Variants in TRERF1 observed in about 807,000 individuals in gnomAD.
The protein encoded by TRERF1 is transcriptional regulating factor 1.
TRERF1 carries 27 observed loss-of-function variants against 122.9 expected under a neutral mutation model. The ratio of observed to expected loss-of-function variants is 0.22; its 90% CI spans 0.16 to 0.30. The LOEUF is 0.30. Among genes scored for constraint, TRERF1 ranks in the 10% least tolerant of loss-of-function variants. The pLI, the probability that TRERF1 is intolerant of heterozygous loss-of-function variation, is 1.00. For synonymous variants in TRERF1, 636 were observed against 641.7 expected, an observed-to-expected ratio of 0.99 and a Z score of 0.13; for missense variants, 1,248 against 1,560.3, an observed-to-expected ratio of 0.80 and a Z score of 3.37.
At chr6:42,449,357 A>G (rs1788067617) in intron 2 of TRERF1, among the ~76,000 whole-genome samples, 1 of 152,226 alleles carries the variant, frequency 6.6e-6, no homozygotes, top group Admixed American at 6.5e-5. Flanking sequence ...CCGGGTATCA[A>G]TTCCTATAAA....
At chr6:42,428,018 C>G (rs1046249222) in intron 2 of TRERF1, among the ~76,000 whole-genome samples, 5 of 152,112 alleles carry the variant, frequency 3.3e-5, no homozygotes, top group Non-Finnish European at 7.3e-5. Context: ...TGGGAAACAG[C>G]TGGTAAGAGC....
chr6:42,264,695 C>G lies in TRERF1; in HGVS notation c.1635+9G>C. The G allele has an allele frequency of 6.2e-7, 1 of 1,612,920 alleles. No homozygotes were observed. Among genetic ancestry groups the G allele is most frequent in the Non-Finnish European group, 8.5e-7 (1 of 1,179,566 alleles). On this transcript the variant is annotated intron_variant, in intron 7 of 17. Coordinates refer to ENST00000372922, the Ensembl canonical transcript of TRERF1. ...ACCTAGAAAGGACCGGGAACTGGCT[C>G]CTGCTAACCTGTTTGAGGTTGGGGG...
intron 2 of TRERF1, among the ~76,000 whole-genome samples, chr6:42,448,113 T>C (rs1411627065): frequency 6.6e-6 from 1 of 152,208 alleles, no homozygotes; most frequent in Non-Finnish European, 1.5e-5. Context: ...AAAATGATAC[T>C]ATATCATTAT....
chr6:42,451,238 G>C (rs1395949466), exon 2 of TRERF1: 1 of 154,006 alleles, frequency 6.5e-6, no homozygotes, highest in Admixed American at 6.5e-5. Flanking sequence ...TCCGCTTGGG[G>C]GGTGAGATGG....
chr6:42,327,181 G>C (rs1247542415), intron 3 of TRERF1, among the ~76,000 whole-genome samples: 1 of 152,200 alleles, frequency 6.6e-6, no homozygotes, highest in Non-Finnish European at 1.5e-5. Context: ...GGTAGGAGAA[G>C]GGGATGTGCT....
intron 3 of TRERF1, among the ~76,000 whole-genome samples, chr6:42,332,430 G>A (rs1765409643): frequency 6.6e-6 from 1 of 152,188 alleles, no homozygotes; most frequent in Non-Finnish European, 1.5e-5. Flanking sequence ...GGACAGTCAA[G>A]GCTCTCTCGG....
intron 3 of TRERF1, among the ~76,000 whole-genome samples, chr6:42,305,325 C>T (rs9471840): frequency 0.16 from 24,023 of 152,108 alleles, 2,287 homozygotes; most frequent in African/African-American, 0.27. Flanking sequence ...GTCACATCCA[C>T]CATGCCACCA....
chr6:42,321,860 G>C (rs761629456), intron 3 of TRERF1, among the ~76,000 whole-genome samples: 5 of 152,214 alleles, frequency 3.3e-5, no homozygotes, highest in Non-Finnish European at 7.3e-5. Flanking sequence ...ATGTCCAATG[G>C]TGGATTGTCA....
chr6:42,255,441 T>C (rs1276980470), intron 12 of TRERF1, among the ~76,000 whole-genome samples: 3 of 152,166 alleles, frequency 2.0e-5, no homozygotes, highest in Non-Finnish European at 4.4e-5. Context: ...GCAGGCAGAG[T>C]TGAACAGAAG....
chr6:42,320,506 A>ATTTTTT (rs397977723), intron 3 of TRERF1, among the ~76,000 whole-genome samples: 3,870 of 136,650 alleles, frequency 0.028, 107 homozygotes, highest in African/African-American at 0.041. Flanking sequence ...AAGTGAAAGA[A>ATTTTTT]TTTTTTTTTT....
At position 42,355,156 on chromosome 6, in the gene TRERF1, C is replaced by G. The variant is rs76139639; in HGVS notation, c.-371+7841G>C. On this transcript the variant is annotated intron_variant, in intron 3 of 17. Coordinates refer to ENST00000372922, the Ensembl canonical transcript of TRERF1. ...AAACTTGAAGAGGTAACGAGTGATG[C>G]CTTTATTGTTTCACCAGTAAGTATA... Among the ~76,000 whole-genome samples the G allele has an allele frequency of 2.8e-4, 42 of 152,212 alleles. No homozygotes were observed. The East Asian group carries it at 7.5e-3, about 27-fold the overall frequency.
Position 42,263,271 on chromosome 6 carries a change from G to A in TRERF1, c.1884+49C>T, listed in dbSNP as rs777951720. On this transcript the variant is annotated intron_variant, in intron 8 of 17. Coordinates refer to ENST00000372922, the Ensembl canonical transcript of TRERF1. This position sits in a 1 kb window ranked among gnomAD's most constrained non-coding sequence, Gnocchi z 5.6. ...GAGCAGCAACTCACAGCAGGCGTGC[G>A]GGGGGCAGCCCCTTGGGGTGAGTGT... 151 of 1,553,408 alleles carry A rather than the reference G, an allele frequency of 9.7e-5. No homozygotes were observed. The highest frequency in any genetic ancestry group is 1.7e-4 in the Middle Eastern group (1 of 5,814).
chr6:42,354,175 G>A lies in TRERF1; in HGVS notation c.-371+8822C>T, dbSNP rs536074201. 2.3e-3 allele frequency among the ~76,000 whole-genome samples: 353 copies of A among 152,240 alleles called. 1 individual carries two copies. Among genetic ancestry groups the A allele is most frequent in the African/African-American group, 7.8e-3 (326 of 41,534 alleles). The stretch of plus-strand genomic sequence containing the variant: ...GATTGTGTCAGTGCTTGGGGGAAGG[G>A]TCCAGATGCAGCCTGCAGAGCCATG... On this transcript the variant is annotated intron_variant, in intron 3 of 17. Coordinates refer to ENST00000372922, the Ensembl canonical transcript of TRERF1.
intron 3 of TRERF1, among the ~76,000 whole-genome samples, chr6:42,342,483 C>T (rs183892766): frequency 9.2e-5 from 14 of 152,292 alleles, no homozygotes; most frequent in African/African-American, 2.9e-4. Context: ...CTGTTCCAGG[C>T]AGCCACTATT....
Position 42,268,653 on chromosome 6 carries a change from T to A in TRERF1, c.938A>T (p.Gln313Leu). 1 of 1,614,084 alleles carries A rather than the reference T, an allele frequency of 6.2e-7. No homozygotes were observed. Among genetic ancestry groups the A allele is most frequent in the Non-Finnish European group, 8.5e-7 (1 of 1,179,960 alleles). Residue 313 changes from glutamine to leucine, a missense_variant, in exon 5 of 18, where the codon CAG becomes CTG. Physicochemically the swap from Gln to Leu is moderately radical, Grantham distance 113. This residue lies in a region of TRERF1 where 946 missense variants were observed against 1,073.0 expected (regional missense o/e 0.88). Coordinates refer to ENST00000372922, the Ensembl canonical transcript of TRERF1. This position sits in a 1 kb window ranked among gnomAD's most constrained non-coding sequence, Gnocchi z 4.4. ...CATTGAACCCTGCCGCTGCTGCAGC[T>A]GTAGCTGCTGCGGCTGCTGCTGCTG...
In TRERF1 at chr6:42,315,940, C is replaced by G. The variant is rs1582993470; in HGVS notation, c.-370-15191G>C. On this transcript the variant is annotated intron_variant, in intron 3 of 17. Transcript: ENST00000372922. ...ACCCCCACACCTACCCTCACGGTAC[C>G]TGGAAGATGCACATGAGGACCCAAG... Among the ~76,000 whole-genome samples, 3 of 152,114 alleles carry G rather than the reference C, an allele frequency of 2.0e-5. No homozygotes were observed. The East Asian group carries it at 5.8e-4, about 29-fold the overall frequency.
chr6:42,436,814 A>AAAAAAAATATATAT (rs61427173), intron 2 of TRERF1, among the ~76,000 whole-genome samples: 5 of 66,696 alleles, frequency 7.5e-5, no homozygotes, highest in African/African-American at 2.6e-4. Context: ...AAAAAAAAAA[A>AAAAAAAATATATAT]ATATATATAT....
chr6:42,367,853 G>A (rs1460444058), intron 2 of TRERF1, among the ~76,000 whole-genome samples: 1 of 152,016 alleles, frequency 6.6e-6, no homozygotes, highest in African/African-American at 2.4e-5. Context: ...ACACACAGAG[G>A]TCCCGCAGAG....
chr6:42,269,846 C>T lies in TRERF1; in HGVS notation c.-256G>A. 1.2e-6 allele frequency: 1 copy of T among 858,250 alleles called. No individual in the cohort carries two copies. Among genetic ancestry groups the T allele is most frequent in the Non-Finnish European group, 1.6e-6 (1 of 617,298 alleles). The allele number at this position is 858,250 out of a possible 1,614,324, so 53.2% of individuals were successfully genotyped here. On this transcript the variant is annotated splice_region_variant and 5_prime_UTR_variant, in exon 5 of 18. In the 5' UTR this introduces an upstream ATG that the reference lacks. Coordinates refer to ENST00000372922, the Ensembl canonical transcript of TRERF1. The surrounding 1 kb of genome is among the most constrained non-coding windows in gnomAD (Gnocchi z 4.9). ...CACTGTGGTGAGGAGACGTCGCTCA[C>T]ACCTGCAAGGCAAGATGCAAAAGAC...
Sources: allele counts gnomAD v4.1 joint callset (sites outside exome capture counted in the v4.1 genomes callset), GRCh38; gene constraint gnomAD v4.1.1; regional missense constraint gnomAD v4.1.1; non-coding constraint Gnocchi (gnomAD v3.1); transcripts MANE v1.5; gene names NCBI Gene and HGNC (gene_info 2026-07-23, HGNC 2026-07-21).